The following TMEM108 variants were observed in gnomAD, a reference collection of about 807,000 sequenced individuals.
TMEM108 encodes transmembrane protein 108, also known as cancer/testis antigen 124.
In TMEM108, 12 loss-of-function variants were observed where a neutral mutation model predicts 35.1. The observed-to-expected ratio is 0.34, with a 90% CI of 0.22 to 0.55. The LOEUF (loss-of-function observed/expected upper bound fraction) is 0.55. Among genes scored for constraint, TMEM108 ranks in the 20% least tolerant of loss-of-function variants. TMEM108 has a pLI of 0.89. For synonymous variants in TMEM108, 287 were observed against 308.6 expected (o/e 0.93, Z 0.73); for missense variants, 680 against 753.3 (o/e 0.90, Z 1.14).
intron 2 of TMEM108, among the ~76,000 whole-genome samples, chr3:133,123,645 T>TA (rs1192531400): frequency 6.6e-6 from 1 of 152,166 alleles, no homozygotes; most frequent in African/African-American, 2.4e-5. Flanking sequence ...GAAATGGCAA[T>TA]AAAAAAATGT....
chr3:133,137,258 T>A (rs1163002252), intron 2 of TMEM108, among the ~76,000 whole-genome samples: 1 of 152,218 alleles, frequency 6.6e-6, no homozygotes, highest in Non-Finnish European at 1.5e-5. Flanking sequence ...AAAGACGCCA[T>A]CCGAAGTCAC....
rs1381302155 is a variant in TMEM108, at chr3:133,113,950, C to T, written c.-47+67930C>T. 6.6e-5 allele frequency among the ~76,000 whole-genome samples: 10 copies of T among 152,296 alleles called. No individual in the cohort carries two copies. The East Asian group carries it at 9.6e-4, about 15-fold the overall frequency. On this transcript the variant is annotated intron_variant, in intron 2 of 5. Coordinates refer to ENST00000321871, the MANE Select transcript of TMEM108 (RefSeq NM_023943.4). ...ATTCTGGGGCTTTCTGGATGTTCTA[C>T]TCTTTTTAGGTCCACTTTGGGAAAA...
At chr3:133,353,524 A>C (rs2072068847) in intron 3 of TMEM108, among the ~76,000 whole-genome samples, 1 of 152,160 alleles carries the variant, frequency 6.6e-6, no homozygotes, top group East Asian at 1.9e-4. Flanking sequence ...GCCCCATGAC[A>C]AGGACTGCTG....
chr3:133,380,267 G>T lies in TMEM108; in HGVS notation c.556G>T (p.Ala186Ser). Reference sequence around the variant, plus strand: ...TAATTCATCACGCCCTGTCCCGCCTGCACCTGGTGGCCACTCCAGGAGTAA... The same window carrying T: ...TAATTCATCACGCCCTGTCCCGCCTTCACCTGGTGGCCACTCCAGGAGTAA... ...AGNSSRPVPP[A>S]PGGHSRSKEG... Residue 186 changes from alanine (A) to serine (S), a missense_variant, in exon 4 of 6, where the codon GCA becomes TCA. Physicochemically the swap from Ala to Ser is moderately conservative, Grantham distance 99 (BLOSUM62 1). Coordinates refer to ENST00000321871, the MANE Select transcript of TMEM108 (RefSeq NM_023943.4). The surrounding 1 kb of genome is among the most constrained non-coding windows in gnomAD (Gnocchi z 5.3). The T allele has an allele frequency of 6.2e-7, 1 of 1,614,052 alleles. No individual in the cohort carries two copies. The highest frequency in any genetic ancestry group is 8.5e-7 in the Non-Finnish European group (1 of 1,179,988).
intron 2 of TMEM108, among the ~76,000 whole-genome samples, chr3:133,193,300 A>C (rs1312577940): frequency 3.0e-4 from 45 of 152,224 alleles, no homozygotes; most frequent in Admixed American, 2.9e-3. Context: ...ACTTTTTAGA[A>C]AGCCTAAAGA....
intron 3 of TMEM108, among the ~76,000 whole-genome samples, chr3:133,312,954 T>C (rs2071152728): frequency 6.6e-6 from 1 of 152,196 alleles, no homozygotes; most frequent in Admixed American, 6.5e-5. Context: ...ATCTTTACTA[T>C]ATCTAAAATT....
chr3:133,130,767 G>A (rs1944480139), intron 2 of TMEM108, among the ~76,000 whole-genome samples: 1 of 152,168 alleles, frequency 6.6e-6, no homozygotes, highest in South Asian at 2.1e-4. Context: ...ACAGATAAAC[G>A]AGATTGCAGG....
chr3:133,305,436 G>A (rs1454743567), intron 3 of TMEM108, among the ~76,000 whole-genome samples: 2 of 151,716 alleles, frequency 1.3e-5, no homozygotes, highest in African/African-American at 4.8e-5. Flanking sequence ...AATGGGTGCA[G>A]CGCACCAGCA....
chr3:133,250,409 A>G (rs926629871), intron 3 of TMEM108, among the ~76,000 whole-genome samples: 5 of 152,192 alleles, frequency 3.3e-5, no homozygotes, highest in Non-Finnish European at 7.3e-5. Flanking sequence ...TCCTTTCTCT[A>G]GCTTACTTTA....
chr3:133,270,061 CATCAT>C (rs1946749303), intron 3 of TMEM108, among the ~76,000 whole-genome samples: 4 of 152,156 alleles, frequency 2.6e-5, no homozygotes, highest in African/African-American at 9.7e-5. Flanking sequence ...GCTTAATAGG[CATCAT>C]ATCCCCATTT....
chr3:133,216,944 C>T (rs1945917926), intron 2 of TMEM108, among the ~76,000 whole-genome samples: 1 of 151,970 alleles, frequency 6.6e-6, no homozygotes, highest in African/African-American at 2.4e-5. Context: ...GAATATATAC[C>T]CAGTAGTGGG....
At chr3:133,128,195 T>C (rs1457584336) in intron 2 of TMEM108, among the ~76,000 whole-genome samples, 1 of 152,222 alleles carries the variant, frequency 6.6e-6, no homozygotes, top group Admixed American at 6.5e-5. Context: ...TGTCATTTTC[T>C]CTTGGGTACC....
At chr3:133,256,962 G>A (rs1946556456) in intron 3 of TMEM108, 1 of 152,214 alleles carries the variant, frequency 6.6e-6, no homozygotes, top group Non-Finnish European at 1.5e-5. Flanking sequence ...TAGTTCTAAA[G>A]TCATGGCTTG....
intron 2 of TMEM108, among the ~76,000 whole-genome samples, chr3:133,210,517 A>G (rs1328556005): frequency 1.3e-5 from 2 of 152,176 alleles, no homozygotes; most frequent in Non-Finnish European, 2.9e-5. Context: ...TATATGTTTG[A>G]AGTAGATTCT....
chr3:133,112,287 G>C (rs887314023), intron 2 of TMEM108, among the ~76,000 whole-genome samples: 1 of 152,042 alleles, frequency 6.6e-6, no homozygotes. Context: ...CAAATAATAT[G>C]GCAAAATGTA....
At chr3:133,273,348 C>T (rs938789843) in intron 3 of TMEM108, among the ~76,000 whole-genome samples, 2 of 152,186 alleles carry the variant, frequency 1.3e-5, no homozygotes, top group Non-Finnish European at 2.9e-5. Context: ...GGTATCCAGA[C>T]TCTTAGATTC....
intron 2 of TMEM108, among the ~76,000 whole-genome samples, chr3:133,183,267 T>A (rs1945373804): frequency 6.6e-6 from 1 of 152,198 alleles, no homozygotes. Context: ...ATAAATGTGT[T>A]TTCATAAATA....
intron 2 of TMEM108, among the ~76,000 whole-genome samples, chr3:133,121,537 T>A (rs970037433): frequency 1.4e-4 from 22 of 152,216 alleles, no homozygotes; most frequent in African/African-American, 5.3e-4. Flanking sequence ...TCATCCTATG[T>A]AGTACATTTT....
chr3:133,153,242 C>G (rs1332468419), intron 2 of TMEM108, among the ~76,000 whole-genome samples: 1 of 152,080 alleles, frequency 6.6e-6, no homozygotes, highest in East Asian at 1.9e-4. Context: ...CCTTAAATTT[C>G]TTTGGAGCAG....
Sources: allele counts gnomAD v4.1 joint callset (sites outside exome capture counted in the v4.1 genomes callset), GRCh38; gene constraint gnomAD v4.1.1; non-coding constraint Gnocchi (gnomAD v3.1); transcripts MANE v1.5; gene names NCBI Gene and HGNC (gene_info 2026-07-23, HGNC 2026-07-21).